The following GAB1 variants were observed in gnomAD, a reference collection of about 807,000 sequenced individuals.
GAB1 encodes the protein GRB2-associated-binding protein 1.
Under a neutral mutation model 66.5 loss-of-function variants are expected in GAB1, and 19 were observed. The observed-to-expected ratio is 0.29, with a 90% confidence interval of 0.20 to 0.42. The LOEUF is 0.42. Ranked by LOEUF, GAB1 falls within the 10% of genes least tolerant of loss-of-function variation. GAB1 has a pLI of 1.00. For missense variants in GAB1, 732 were observed against 858.5 expected (o/e 0.85, Z 1.84); for synonymous variants, 294 against 301.4 (o/e 0.98, Z 0.25).
At chr4:143,344,274 G>T (rs879498824) in intron 1 of GAB1, among the ~76,000 whole-genome samples, 2 of 152,168 alleles carry the variant, frequency 1.3e-5, no homozygotes, top group Admixed American at 1.3e-4. Context: ...TGTTGGGGGG[G>T]AGAGAATAAC....
intron 1 of GAB1, among the ~76,000 whole-genome samples, chr4:143,358,231 A>T (rs749316138): frequency 2.0e-5 from 3 of 152,186 alleles, no homozygotes; most frequent in Non-Finnish European, 2.9e-5. Flanking sequence ...AGTGATTCTT[A>T]CATGATCACC....
At chr4:143,396,781 TAATA>T (rs1175923638) in intron 1 of GAB1, among the ~76,000 whole-genome samples, 1 of 152,028 alleles carries the variant, frequency 6.6e-6, no homozygotes, top group Non-Finnish European at 1.5e-5. Flanking sequence ...GAGGAAGAAA[TAATA>T]AATACTAATT....
intron 6 of GAB1, among the ~76,000 whole-genome samples, chr4:143,454,831 C>T (rs1440263918): frequency 6.6e-6 from 1 of 152,092 alleles, no homozygotes; most frequent in Admixed American, 6.5e-5. Context: ...GTCTTCTGTC[C>T]TTTTCAGTTT....
rs1224770661 is a variant in GAB1 at position 143,473,028 on chromosome 4, C to A, written c.*3839C>A. 3 of 152,144 alleles carry A rather than the reference C, an allele frequency of 2.0e-5. No homozygotes were observed. The highest frequency in any genetic ancestry group is 2.9e-5 in the Non-Finnish European group (2 of 68,012). The allele number at this position is 152,144 out of a possible 1,614,324, so 9.4% of individuals were successfully genotyped here. A position where few individuals can be genotyped will look rare whatever the true frequency, so the allele number is the denominator to read the frequency against. On this transcript the variant is annotated 3_prime_UTR_variant, in exon 10 of 10. Coordinates refer to ENST00000262994, the MANE Select transcript of GAB1 (RefSeq NM_002039.4). ...GCATTACTACAGTTAAAAATAGTTT[C>A]ATTTGTCTTCTATAGACTTAATTTT...
intron 9 of GAB1, among the ~76,000 whole-genome samples, chr4:143,468,278 G>A (rs549703330): frequency 3.7e-5 from 5 of 134,134 alleles, no homozygotes; most frequent in Admixed American, 2.6e-4. Flanking sequence ...GCAGTGGCAC[G>A]ATCTTGGCTC....
chr4:143,459,306 T>C, intron 6 of GAB1, 79 bp from the exon 7 acceptor site: 1 of 824,236 alleles, frequency 1.2e-6, no homozygotes, highest in Non-Finnish European at 2.1e-6. Flanking sequence ...CAAATATAAA[T>C]AGAGTTACAG....
intron 6 of GAB1, among the ~76,000 whole-genome samples, chr4:143,445,694 T>C (rs1734473952): frequency 6.6e-6 from 1 of 152,268 alleles, no homozygotes; most frequent in Admixed American, 6.5e-5. Flanking sequence ...AGACATTGGA[T>C]TTTATCGAAA....
chr4:143,454,374 T>C (rs997177090), intron 6 of GAB1, among the ~76,000 whole-genome samples: 1 of 152,220 alleles, frequency 6.6e-6, no homozygotes, highest in African/African-American at 2.4e-5. Context: ...ATCCTTAGCA[T>C]TTTATTTGGG....
At chr4:143,429,014 A>T (rs554357086) in intron 2 of GAB1, among the ~76,000 whole-genome samples, 319 of 152,304 alleles carry the variant, frequency 2.1e-3, no homozygotes, top group Non-Finnish European at 3.2e-3. Context: ...AATAAATAAA[A>T]AAAATCATGA....
chr4:143,403,948 A>G (rs1442192494), intron 1 of GAB1, among the ~76,000 whole-genome samples: 5 of 152,204 alleles, frequency 3.3e-5, no homozygotes, highest in African/African-American at 1.2e-4. Context: ...GGCTTTTTAC[A>G]TATAAATCTA....
In GAB1 at chr4:143,471,504, T is replaced by C. The variant is rs911486857; in HGVS notation, c.*2315T>C. ...CTCAATTTTATCAATATAAATGTAT[T>C]TTGGGTTCACATTTATGCTTATTCA... On this transcript the variant is annotated 3_prime_UTR_variant, in exon 10 of 10. Coordinates refer to ENST00000262994, the MANE Select transcript of GAB1 (RefSeq NM_002039.4). 3.9e-5 allele frequency: 6 copies of C among 152,124 alleles called. No individual in the cohort carries two copies. Among genetic ancestry groups the C allele is most frequent in the Non-Finnish European group, 5.9e-5 (4 of 68,004 alleles). The allele number at this position is 152,124 out of a possible 1,614,324, so 9.4% of individuals were successfully genotyped here. A position where few individuals can be genotyped will look rare whatever the true frequency, so the allele number is the denominator to read the frequency against.
intron 2 of GAB1, 29 bp from the exon 3 acceptor site, chr4:143,433,462 G>C (rs937620063): frequency 1.3e-6 from 2 of 1,529,294 alleles, no homozygotes; most frequent in African/African-American, 2.7e-5. Context: ...AACTGTGATA[G>C]ACGTGATAGT....
intron 6 of GAB1, among the ~76,000 whole-genome samples, chr4:143,446,262 A>C (rs1353536079): frequency 6.6e-6 from 1 of 152,172 alleles, no homozygotes; most frequent in Non-Finnish European, 1.5e-5. Flanking sequence ...ATACGTGTGC[A>C]TGTGTCTTTA....
chr4:143,450,747 C>T (rs1216283552), intron 6 of GAB1, among the ~76,000 whole-genome samples: 1 of 151,992 alleles, frequency 6.6e-6, no homozygotes, highest in African/African-American at 2.4e-5. Flanking sequence ...AAAAATTAGC[C>T]AGGCGTGGTG....
rs74269683 is a variant in GAB1 at position 143,460,687 on chromosome 4, T to TA, written c.1803+211dup. Among the ~76,000 whole-genome samples, 1,355 of 146,704 alleles carry TA rather than the reference T, an allele frequency of 9.2e-3. 24 individuals carry two copies. Among genetic ancestry groups the TA allele is most frequent in the African/African-American group, 0.029 (1,169 of 40,312 alleles). ...AGGTGAAAGTAAACTGTAAATGAGT[T>TA]AAAAAAAAAAAGTTGCCTGGCACAG... On this transcript the variant is annotated intron_variant, in intron 8 of 9. Coordinates refer to ENST00000262994, the MANE Select transcript of GAB1 (RefSeq NM_002039.4).
Position 143,473,598 on chromosome 4 carries a change from TGCCAGCA to T in GAB1, c.*4410_*4416del, listed in dbSNP as rs1736170791. On this transcript the variant is annotated 3_prime_UTR_variant, in exon 10 of 10. Coordinates refer to ENST00000262994, the MANE Select transcript of GAB1 (RefSeq NM_002039.4). ...TGTTACTCCTCCAGCCAGCCAGTGC[TGCCAGCA>T]TTTTATTGTGTAAAAGTCCAAATAA... 3.3e-5 allele frequency: 5 copies of T among 152,248 alleles called. No homozygotes were observed. Among genetic ancestry groups the T allele is most frequent in the African/African-American group, 1.2e-4 (5 of 41,468 alleles). The allele number at this position is 152,248 out of a possible 1,614,324, so 9.4% of individuals were successfully genotyped here. A position where few individuals can be genotyped will look rare whatever the true frequency, so the allele number is the denominator to read the frequency against.
chr4:143,441,768 T>C (rs1003268681), intron 6 of GAB1, among the ~76,000 whole-genome samples: 1 of 152,240 alleles, frequency 6.6e-6, no homozygotes, highest in Non-Finnish European at 1.5e-5. Flanking sequence ...TGGATTCTGC[T>C]TTCCAAGAGC....
At position 143,471,982 on chromosome 4, in the gene GAB1, T is replaced by A. The variant is rs1485813211; in HGVS notation, c.*2793T>A. On this transcript the variant is annotated 3_prime_UTR_variant, in exon 10 of 10. Coordinates refer to ENST00000262994, the MANE Select transcript of GAB1 (RefSeq NM_002039.4). Reference sequence around the variant, plus strand: ...CTGGTTAACGATGTGACAGTTATGATCTTGGAGATTGGAAATCTTTCTTCC... The same window carrying A: ...CTGGTTAACGATGTGACAGTTATGAACTTGGAGATTGGAAATCTTTCTTCC... 1 of 152,186 alleles carries A rather than the reference T, an allele frequency of 6.6e-6. No homozygotes were observed. Among genetic ancestry groups the A allele is most frequent in the Non-Finnish European group, 1.5e-5 (1 of 68,010 alleles). 9.4% of individuals were successfully genotyped at this position (152,186 alleles called of 1,614,324 possible).
chr4:143,431,572 G>T (rs1733654563), intron 2 of GAB1, among the ~76,000 whole-genome samples: 1 of 152,198 alleles, frequency 6.6e-6, no homozygotes, highest in African/African-American at 2.4e-5. Context: ...CTTTACTAAA[G>T]GCTCAGAGAA....
Sources: allele counts gnomAD v4.1 joint callset (sites outside exome capture counted in the v4.1 genomes callset), GRCh38; gene constraint gnomAD v4.1.1; transcripts MANE v1.5; gene names NCBI Gene and HGNC (gene_info 2026-07-23, HGNC 2026-07-21).